The following GPC4 variants were observed in gnomAD, a reference collection of about 807,000 sequenced individuals.
GPC4 encodes the protein glypican 4.
Under a neutral mutation model 35.0 loss-of-function variants are expected in GPC4, and 10 were observed. The ratio of observed to expected loss-of-function variants is 0.29; its 90% CI spans 0.18 to 0.48. The LOEUF (loss-of-function observed/expected upper bound fraction) is 0.48, where lower values mean the gene tolerates loss of function less well. Among genes scored for constraint, GPC4 ranks in the 20% least tolerant of loss-of-function variants. The probability of loss-of-function intolerance (pLI) is 0.99; values close to 1 mark genes in which losing one functional copy is unlikely to be tolerated. For missense variants in GPC4, 322 were observed against 451.3 expected, an observed-to-expected ratio of 0.71 and a Z score of 2.60; for synonymous variants, 167 against 170.2, an observed-to-expected ratio of 0.98 and a Z score of 0.15.
intron 1 of GPC4, among the ~76,000 whole-genome samples, chrX:133,392,939 C>T (rs775020035): frequency 2.0e-4 from 22 of 111,807 alleles, no homozygotes; most frequent in Non-Finnish European, 3.6e-4. Flanking sequence ...CGAGACTGTA[C>T]CCTCCGGATC....
Position 133,306,024 on chromosome X carries a change from C to T in GPC4, c.1008G>A (p.Lys336=). 1 of 1,211,432 alleles carries T rather than the reference C, an allele frequency of 8.3e-7. No individual in the cohort carries two copies. The highest frequency in any genetic ancestry group is 1.1e-6 in the Non-Finnish European group (1 of 895,408). ...MQDNSVQVSQ[K]VFQGCGPPKP... ...CTTTCCAGCATCCTGCCTTCATTAC[C>T]TTCTGAGACACTTGAACACTATTAT... Residue 336 remains lysine, a splice_region_variant and synonymous_variant, in exon 5 of 9, where the codon AAG becomes AAA. Coordinates refer to ENST00000370828, the MANE Select transcript of GPC4 (RefSeq NM_001448.3).
At chrX:133,303,896 T>A (rs1312266301) in intron 7 of GPC4, among the ~76,000 whole-genome samples, 1 of 61,214 alleles carries the variant, frequency 1.6e-5, no homozygotes, top group Non-Finnish European at 2.7e-5. Flanking sequence ...ACAGTGATAC[T>A]CTGTTGGAGG....
Position 133,324,157 on chromosome X carries a change from G to A in GPC4, c.699C>T (p.Ser233=), listed in dbSNP as rs754737540. 1 of 1,202,556 alleles carries A rather than the reference G, an allele frequency of 8.3e-7. No homozygotes were observed. The highest frequency in any genetic ancestry group is 1.1e-6 in the Non-Finnish European group (1 of 891,270). The change falls in exon 3 of 9, where the codon AGC becomes AGT. Residue 233 remains serine, a synonymous_variant. Coordinates refer to ENST00000370828, the MANE Select transcript of GPC4 (RefSeq NM_001448.3). ...QGLAVAGDVV[S]KVSVVNPTAQ... is the part of the protein sequence containing the mutation. ...AAGGAGTACTTACCACGGAGACCTT[G>A]CTCACGACATCTCCCGCAACCGCTA...
intron 1 of GPC4, among the ~76,000 whole-genome samples, chrX:133,344,191 GTTTTTTTTTTTTTTTTTTTTTTTTTT>G (rs747976050): frequency 7.5e-4 from 29 of 38,867 alleles, no homozygotes; most frequent in African/African-American, 1.7e-3. Flanking sequence ...TTTCTTTCTG[GTTTTTTTTTTTTTTTTTTTTTTTTTT>G]TTTTTTTTTT....
At position 133,313,814 on chromosome X, in the gene GPC4, C is replaced by T. The variant is rs773421139; in HGVS notation, c.712-2391G>A. On this transcript the variant is annotated intron_variant, in intron 3 of 8. Transcript: ENST00000370828. Reference sequence around the variant, plus strand: ...ATGAAAAGATTTCCCAGATGTATCACGTTTCCCTGCCAGATGACAGGAAAC... The same window carrying T: ...ATGAAAAGATTTCCCAGATGTATCATGTTTCCCTGCCAGATGACAGGAAAC... Among the ~76,000 whole-genome samples the T allele has an allele frequency of 4.4e-5, 5 of 112,400 alleles. No individual in the cohort carries two copies. In the East Asian group the frequency reaches 1.1e-3, roughly 25 times the overall value.
chrX:133,368,635 T>C (rs142522295), intron 1 of GPC4, among the ~76,000 whole-genome samples: 1,574 of 110,758 alleles, frequency 0.014, 36 homozygotes, highest in African/African-American at 0.049. Flanking sequence ...CAATATAACA[T>C]TGAGTAACAT....
At chrX:133,338,483 C>T (rs754239260) in intron 2 of GPC4, among the ~76,000 whole-genome samples, 1 of 111,960 alleles carries the variant, frequency 8.9e-6, no homozygotes, top group African/African-American at 3.2e-5. Context: ...TACCATTGTT[C>T]AGATAGGATC....
At chrX:133,392,975 G>A (rs907120995) in intron 1 of GPC4, among the ~76,000 whole-genome samples, 1 of 112,059 alleles carries the variant, frequency 8.9e-6, no homozygotes, top group African/African-American at 3.2e-5. Flanking sequence ...GACAAACCGT[G>A]GAAGCCAATG....
At chrX:133,307,685 G>A (rs1334498266) in intron 4 of GPC4, among the ~76,000 whole-genome samples, 1 of 111,693 alleles carries the variant, frequency 9.0e-6, no homozygotes, top group Non-Finnish European at 1.9e-5. Flanking sequence ...GGGCTGCCAC[G>A]TACAGAAAGC....
chrX:133,379,601 G>A (rs1272882351), intron 1 of GPC4, among the ~76,000 whole-genome samples: 3 of 111,916 alleles, frequency 2.7e-5, no homozygotes, highest in East Asian at 2.8e-4. Context: ...AAATGAAATC[G>A]TTTAAAAATG....
chrX:133,392,070 T>C (rs1050200961), intron 1 of GPC4, among the ~76,000 whole-genome samples: 1 of 108,549 alleles, frequency 9.2e-6, no homozygotes, highest in Non-Finnish European at 1.9e-5. Context: ...CCGTCTCTAC[T>C]AAAAATACAA....
At chrX:133,303,990 G>A (rs2068280046) in intron 7 of GPC4, among the ~76,000 whole-genome samples, 1 of 109,248 alleles carries the variant, frequency 9.2e-6, no homozygotes, top group South Asian at 4.1e-4. Flanking sequence ...ATGGTGGGTT[G>A]AAGTAAAGAA....
At chrX:133,387,715 G>T (rs746137910) in intron 1 of GPC4, among the ~76,000 whole-genome samples, 1 of 111,740 alleles carries the variant, frequency 8.9e-6, no homozygotes, top group South Asian at 3.8e-4. Flanking sequence ...CTGTAAATGA[G>T]CGCTAGATTT....
chrX:133,353,277 C>T (rs1014156698), intron 1 of GPC4, among the ~76,000 whole-genome samples: 2 of 111,976 alleles, frequency 1.8e-5, no homozygotes, highest in African/African-American at 6.5e-5. Context: ...AGGATAGGAG[C>T]CACTCTAATT....
chrX:133,348,247 T>A (rs1263027988), intron 1 of GPC4, among the ~76,000 whole-genome samples: 1 of 111,928 alleles, frequency 8.9e-6, no homozygotes, highest in Non-Finnish European at 1.9e-5. Flanking sequence ...ATACCAAAGG[T>A]TTATTAAGGC....
intron 1 of GPC4, among the ~76,000 whole-genome samples, chrX:133,400,324 G>A (rs150457688): frequency 0.014 from 1,612 of 112,318 alleles, 22 homozygotes; most frequent in African/African-American, 0.047. Context: ...CCTAGAAAAT[G>A]AGAAGGCCTT....
intron 1 of GPC4, among the ~76,000 whole-genome samples, chrX:133,409,842 A>T (rs190798007): frequency 1.4e-3 from 156 of 111,769 alleles, no homozygotes; most frequent in African/African-American, 4.9e-3. Flanking sequence ...ACAGGGATTT[A>T]GGAGGGGGGG....
intron 7 of GPC4, among the ~76,000 whole-genome samples, chrX:133,303,958 C>G (rs201815749): frequency 1.6e-5 from 1 of 60,664 alleles, no homozygotes; most frequent in African/African-American, 8.0e-5. Context: ...AGGAAGGAAG[C>G]TAGCTATCCC....
intron 4 of GPC4, among the ~76,000 whole-genome samples, chrX:133,308,030 G>A (rs1191335897): frequency 1.8e-5 from 2 of 111,953 alleles, no homozygotes; most frequent in Non-Finnish European, 3.8e-5. Context: ...TGTGTGTTGC[G>A]CAGCTGAAGA....
Sources: gnomAD v4.1 joint callset for allele counts (sites outside exome capture counted in the v4.1 genomes callset) on GRCh38, gnomAD v4.1.1 for gene constraint, MANE v1.5 for transcripts, NCBI Gene and HGNC (gene_info 2026-07-23, HGNC 2026-07-21) for gene names.